The following MUC6 variants were observed in gnomAD, a reference collection of about 807,000 sequenced individuals.
The protein encoded by MUC6 is mucin-6.
In MUC6, 188 loss-of-function variants were observed where a neutral mutation model predicts 201.5. The observed-to-expected ratio is 0.93, with a 90% CI of 0.83 to 1.05. The LOEUF is 1.05. Ranked by LOEUF, MUC6 falls within the 50% of genes least tolerant of loss-of-function variation. The pLI, the probability that MUC6 is intolerant of heterozygous loss-of-function variation, is 0.00. For synonymous variants in MUC6, 1,228 were observed against 1,389.4 expected (o/e 0.88, Z 2.58); for missense variants, 2,706 against 3,256.9 (o/e 0.83, Z 4.12).
Position 1,027,426 on chromosome 11 carries a change from G to T in MUC6, c.2073C>A (p.Cys691Ter). Residue 691 changes from cysteine to a stop codon, truncating the protein, a stop_gained, in exon 17 of 33, where the codon TGC becomes TGA. Coordinates refer to ENST00000421673, the MANE Select transcript of MUC6 (RefSeq NM_005961.3). LOFTEE classifies it high-confidence loss of function. ...CLSLSDRATE[C>*]HHSAVPVDGC... is the part of the protein sequence containing the mutation. ...CGTCCACGGGCACGGCGCTGTGGTGGCACTCGGTGGCACGGTCCGACAGCG... is the reference window on the plus strand; with the variant it reads ...CGTCCACGGGCACGGCGCTGTGGTGTCACTCGGTGGCACGGTCCGACAGCG... 1 of 1,612,776 alleles carries T rather than the reference G, an allele frequency of 6.2e-7. No individual in the cohort carries two copies. Among genetic ancestry groups the T allele is most frequent in the Non-Finnish European group, 8.5e-7 (1 of 1,179,824 alleles).
chr11:1,036,370 C>T (rs1288606680), intron 1 of MUC6, among the ~76,000 whole-genome samples: 3 of 152,188 alleles, frequency 2.0e-5, no homozygotes. Flanking sequence ...AGGAGGGCGT[C>T]CCTGCCCAGG....
chr11:1,017,087 G>A lies in MUC6; in HGVS notation c.5714C>T (p.Ser1905Phe), dbSNP rs1408787392. Residue 1905 changes from serine (S) to phenylalanine (F), a missense_variant, in exon 31 of 33, where the codon TCC (serine) becomes TTC (phenylalanine). This residue lies in a region of MUC6 where 20 missense variants were observed against 128.3 expected (regional missense o/e 0.16). Coordinates refer to ENST00000421673, the MANE Select transcript of MUC6 (RefSeq NM_005961.3). Reference protein sequence around the residue: ...MTPTTSGTSQSPSSFSTAKTS... With the variant: ...MTPTTSGTSQFPSSFSTAKTS... ...TTTGGCCGTGCTAAATGAGCTTGGG[G>A]ATTGGCTGGTCCCACTGGTGGTCGG... The A allele has an allele frequency of 6.2e-7, 1 of 1,613,514 alleles. No individual in the cohort carries two copies. Among genetic ancestry groups the A allele is most frequent in the Admixed American group, 1.7e-5 (1 of 60,026 alleles).
chr11:1,024,101 T>C lies in MUC6; in HGVS notation c.3228A>G (p.Val1076=), dbSNP rs1429600708. ...AGGCCTCGTAGTAGGGCAGGTGGTA[T>C]ACCTGCAGGGGTGTGTGCCAGTCAG... ...SQTFATCHSK[V]YHLPYYEACV... is the part of the protein sequence containing the mutation. The change falls in exon 25 of 33, where the codon GTA becomes GTG. Residue 1076 remains valine, a splice_region_variant and synonymous_variant. Transcript: ENST00000421673. 21 of 1,612,032 alleles carry C rather than the reference T, an allele frequency of 1.3e-5. No homozygotes were observed. The highest frequency in any genetic ancestry group is 3.3e-4 in the Middle Eastern group (2 of 6,082).
In MUC6 at chr11:1,027,452, A is replaced by G. The variant is rs776890669; in HGVS notation, c.2047T>C (p.Ser683Pro). The G allele has an allele frequency of 4.3e-6, 7 of 1,612,634 alleles. No homozygotes were observed. The highest frequency in any genetic ancestry group is 5.9e-6 in the Non-Finnish European group (7 of 1,179,832). The change falls in exon 17 of 33, where the codon TCG becomes CCG. Residue 683 changes from serine (S) to proline (P), a missense_variant. Ser to Pro is a moderately conservative substitution (Grantham distance 74). Transcript: ENST00000421673. ...CACTCGGTGGCACGGTCCGACAGCGACAGGCAGGTGCGCTCACAGGCTTGG... is the reference window on the plus strand; with the variant it reads ...CACTCGGTGGCACGGTCCGACAGCGGCAGGCAGGTGCGCTCACAGGCTTGG... Reference protein sequence around the residue: ...NSQACERTCLSLSDRATECHH... With the variant: ...NSQACERTCLPLSDRATECHH...
rs757497071 is a variant in MUC6 at position 1,030,932 on chromosome 11, A to G, written c.684+15T>C. On this transcript the variant is annotated intron_variant, in intron 6 of 32. Transcript: ENST00000421673. ...CAGACCTGGGGTCAGCCCCACCTGGAGCCCCCTTGCTTACGTGCTGGGCCT... is the reference window on the plus strand; with the variant it reads ...CAGACCTGGGGTCAGCCCCACCTGGGGCCCCCTTGCTTACGTGCTGGGCCT... 6.4e-7 allele frequency: 1 copy of G among 1,556,902 alleles called. No homozygotes were observed. Among genetic ancestry groups the G allele is most frequent in the Non-Finnish European group, 8.7e-7 (1 of 1,151,020 alleles).
intron 26 of MUC6, among the ~76,000 whole-genome samples, chr11:1,022,832 CATG>C (rs961537240): frequency 5.3e-5 from 8 of 152,108 alleles, no homozygotes; most frequent in South Asian, 2.1e-4. Flanking sequence ...AATAAGCAAA[CATG>C]AATGAATGAA....
At chr11:1,030,119 G>T in intron 8 of MUC6, 94 bp downstream of exon 8, 1 of 1,388,518 alleles carries the variant, frequency 7.2e-7, no homozygotes, top group Non-Finnish European at 9.5e-7. Flanking sequence ...ATGTTGGGGT[G>T]ACCTGGGTCG....
Position 1,033,884 on chromosome 11 carries a change from C to G in MUC6, c.53-809G>C, listed in dbSNP as rs1470593181. Among the ~76,000 whole-genome samples, 1 of 152,164 alleles carries G rather than the reference C, an allele frequency of 6.6e-6. No individual in the cohort carries two copies. Among genetic ancestry groups the G allele is most frequent in the East Asian group, 1.9e-4 (1 of 5,188 alleles). On this transcript the variant is annotated intron_variant, in intron 1 of 32. Coordinates refer to ENST00000421673, the MANE Select transcript of MUC6 (RefSeq NM_005961.3). This position sits in a 1 kb window ranked among gnomAD's most constrained non-coding sequence, Gnocchi z 5.6. Reference sequence around the variant, plus strand: ...CACCTGAGCAGGACCCGTGACCTCTCCAGGCCCTTCTTGGGGCCGGGACCC... The same window carrying G: ...CACCTGAGCAGGACCCGTGACCTCTGCAGGCCCTTCTTGGGGCCGGGACCC...
rs1469863734 is a variant in MUC6, at chr11:1,033,012, C to T, written c.115+1G>A. 1 of 1,592,358 alleles carries T rather than the reference C, an allele frequency of 6.3e-7. No individual in the cohort carries two copies. The highest frequency in any genetic ancestry group is 8.6e-7 in the Non-Finnish European group (1 of 1,163,672). ...AGGATCAGTGGCCGCTGTGTTCTTA[C>T]CTGTCTGTGGAGAGTCCTTCAGCCT... On this transcript the variant is annotated splice_donor_variant, in intron 2 of 32. Coordinates refer to ENST00000421673, the MANE Select transcript of MUC6 (RefSeq NM_005961.3). LOFTEE classifies it high-confidence loss of function. This position sits in a 1 kb window ranked among gnomAD's most constrained non-coding sequence, Gnocchi z 5.6.
At chr11:1,025,487 C>G (rs771005343) in intron 22 of MUC6, 120 bp from the exon 23 acceptor site, 20 of 1,235,366 alleles carry the variant, frequency 1.6e-5, no homozygotes, top group Non-Finnish European at 2.1e-5. Flanking sequence ...TGCACAGGAG[C>G]GCCTGCTGAG....
chr11:1,027,141 C>T lies in MUC6; in HGVS notation c.2284G>A (p.Ala762Thr), dbSNP rs1328390461. Residue 762 changes from alanine (A) to threonine (T), a missense_variant and splice_region_variant, in exon 18 of 33, where the codon GCC (alanine) becomes ACC (threonine). This residue lies in a region of MUC6 where 1,850 missense variants were observed against 1,958.3 expected (regional missense o/e 0.94). Coordinates refer to ENST00000421673, the MANE Select transcript of MUC6 (RefSeq NM_005961.3). ...CTGCGGCCAGCGCTGCTGTACGTAC[C>T]CAGGAACATCTGTGGCCGCTGCGGG... ...SCPQRPQMFL[A>T]SCQAPKTFKS... 1 of 1,612,348 alleles carries T rather than the reference C, an allele frequency of 6.2e-7. No individual in the cohort carries two copies. Among genetic ancestry groups the T allele is most frequent in the African/African-American group, 1.3e-5 (1 of 74,918 alleles).
chr11:1,015,927 C>T lies in MUC6; in HGVS notation c.6874G>A (p.Val2292Met). 2 of 1,600,488 alleles carry T rather than the reference C, an allele frequency of 1.2e-6. No individual in the cohort carries two copies. The highest frequency in any genetic ancestry group is 1.7e-6 in the Non-Finnish European group (2 of 1,172,194). Residue 2292 changes from valine to methionine, a missense_variant, in exon 31 of 33, where the codon GTG becomes ATG. Physicochemically the swap from Val to Met is conservative, Grantham distance 21. Transcript: ENST00000421673. ...TSGFVSLTSG[V>M]TGIPTSPVTN... ...ACTGGAGAGGTGGGGATACCCGTCA[C>T]CCCCGAGGTGAGTGACACAAAGCCT...
At position 1,027,323 on chromosome 11, in the gene MUC6, C is replaced by A; in HGVS notation, c.2176G>T (p.Glu726Ter). 1 of 1,612,990 alleles carries A rather than the reference C, an allele frequency of 6.2e-7. No homozygotes were observed. Among genetic ancestry groups the A allele is most frequent in the Non-Finnish European group, 8.5e-7 (1 of 1,179,846 alleles). The change falls in exon 17 of 33, where the codon GAG (glutamate) becomes TAG (stop). Residue 726 changes from glutamate to a stop codon, truncating the protein, a stop_gained. Transcript: ENST00000421673. LOFTEE classifies it high-confidence loss of function. ...VRKAQCPCILEGYKFILAEQS... is the reference protein window; with the variant it reads ...VRKAQCPCIL ...TCGGCCAGGATGAACTTGTAACCCT[C>A]CAGTATGCACGGGCACTGGGCCTTG... is the stretch of plus-strand genomic sequence containing the variant.
At chr11:1,018,797 G>A (rs935326671) in intron 30 of MUC6, 27 bp from the exon 31 acceptor site, 18 of 1,536,816 alleles carry the variant, frequency 1.2e-5, no homozygotes, top group Non-Finnish European at 1.4e-5. Context: ...AGTTGTCATC[G>A]TTATTGTTTT....
rs200978948 is a variant in MUC6 at position 1,028,311 on chromosome 11, C to T, written c.1668G>A (p.Ser556=). 7 of 1,611,672 alleles carry T rather than the reference C, an allele frequency of 4.3e-6. No individual in the cohort carries two copies. The highest frequency in any genetic ancestry group is 2.2e-5 in the East Asian group (1 of 44,822). ...TSMGIAEGTA[S]LFVDSWRAGN... is the part of the protein sequence containing the mutation. ...CCGCCCGCCAGGAGTCCACAAACAGCGAGGCGGTGCCCTCGGCGATACCCA... is the reference window on the plus strand; with the variant it reads ...CCGCCCGCCAGGAGTCCACAAACAGTGAGGCGGTGCCCTCGGCGATACCCA... Residue 556 remains serine, a synonymous_variant, in exon 14 of 33, where the codon TCG becomes TCA. Coordinates refer to ENST00000421673, the MANE Select transcript of MUC6 (RefSeq NM_005961.3).
Position 1,012,988 on chromosome 11 carries a change from G to T in MUC6, c.*468C>A. 6.3e-6 allele frequency: 1 copy of T among 159,974 alleles called. No individual in the cohort carries two copies. 9.9% of individuals were successfully genotyped at this position (159,974 alleles called of 1,614,324 possible). A position where few individuals can be genotyped will look rare whatever the true frequency, so the allele number is the denominator to read the frequency against. On this transcript the variant is annotated 3_prime_UTR_variant, in exon 33 of 33. Coordinates refer to ENST00000421673, the MANE Select transcript of MUC6 (RefSeq NM_005961.3). ...CCACCCTCTGCCCTCCCTGACTCTG[G>T]GGATCTCCTCTTCTCTGTGCTGGTG...
chr11:1,030,322 G>T lies in MUC6; in HGVS notation c.906C>A (p.Cys302Ter), dbSNP rs1177679044. 2.6e-6 allele frequency: 4 copies of T among 1,548,488 alleles called. No homozygotes were observed. The highest frequency in any genetic ancestry group is 3.5e-6 in the Non-Finnish European group (4 of 1,146,780). ...RSPGLCSVGQ[C>*]PANQVYQECG... The stretch of plus-strand genomic sequence containing the variant: ...ACTCCTGGTACACCTGGTTGGCCGG[G>T]CACTGACCCACGGCTGTGGGCACAC... The change falls in exon 8 of 33, where the codon TGC (cysteine) becomes TGA (stop). Residue 302 changes from cysteine to a stop codon, truncating the protein, a stop_gained. Coordinates refer to ENST00000421673, the MANE Select transcript of MUC6 (RefSeq NM_005961.3). LOFTEE classifies it high-confidence loss of function.
At chr11:1,030,370 A>ACCCCCCCCCCCCCCCCCCG in intron 7 of MUC6, 35 bp from the exon 8 acceptor site, 1 of 992,838 alleles carries the variant, frequency 1.0e-6, no homozygotes, top group Non-Finnish European at 1.3e-6. Flanking sequence ...AGAGGGTCCC[A>ACCCCCCCCCCCCCCCCCCG]CCCCCCCCAC....
chr11:1,033,186 C>G lies in MUC6; in HGVS notation c.53-111G>C, dbSNP rs545248798. 1.8e-6 allele frequency: 2 copies of G among 1,093,870 alleles called. No homozygotes were observed. The highest frequency in any genetic ancestry group is 1.5e-5 in the African/African-American group (1 of 64,642). The allele number at this position is 1,093,870 out of a possible 1,614,324, so 67.8% of individuals were successfully genotyped here. ...CGTTTCCCTGCACACACTCGGCGTG[C>G]GAGAAGTGTCCATGGCCCGTGGGGC... On this transcript the variant is annotated intron_variant, in intron 1 of 32. Coordinates refer to ENST00000421673, the MANE Select transcript of MUC6 (RefSeq NM_005961.3). This position sits in a 1 kb window ranked among gnomAD's most constrained non-coding sequence, Gnocchi z 5.6.
Sources: gnomAD v4.1 joint callset for allele counts (sites outside exome capture counted in the v4.1 genomes callset) on GRCh38, gnomAD v4.1.1 for gene constraint, gnomAD v4.1.1 regional missense constraint, Gnocchi (gnomAD v3.1) non-coding constraint, MANE v1.5 for transcripts, NCBI Gene and HGNC (gene_info 2026-07-23, HGNC 2026-07-21) for gene names.